FBXL7: variants seen among roughly 807,000 people sequenced by gnomAD.
FBXL7 encodes F-box and leucine rich repeat protein 7, also known as F-box/LRR-repeat protein 7.
A neutral mutation model predicts 38.3 loss-of-function variants in FBXL7; 12 were observed. The ratio of observed to expected loss-of-function variants is 0.31; its 90% CI spans 0.20 to 0.51. The LOEUF (loss-of-function observed/expected upper bound fraction) is 0.51. FBXL7 is among the 20% of genes least tolerant of loss of function. The probability of loss-of-function intolerance (pLI) is 0.98; values close to 1 mark genes in which losing one functional copy is unlikely to be tolerated. For missense variants in FBXL7, 567 were observed against 676.4 expected (o/e 0.84, Z 1.79); for synonymous variants, 297 against 300.9 (o/e 0.99, Z 0.13).
At chr5:15,924,267 G>T (rs1741822442) in intron 2 of FBXL7, among the ~76,000 whole-genome samples, 1 of 152,170 alleles carries the variant, frequency 6.6e-6, no homozygotes, top group Admixed American at 6.5e-5. Context: ...ACCTGGAACA[G>T]AAAAATACAT....
chr5:15,837,640 A>T (rs1380112355), intron 2 of FBXL7, among the ~76,000 whole-genome samples: 2 of 152,232 alleles, frequency 1.3e-5, no homozygotes, highest in Non-Finnish European at 2.9e-5. Context: ...TAGATAATTT[A>T]TTATCTAATC....
intron 1 of FBXL7, among the ~76,000 whole-genome samples, chr5:15,587,183 G>A (rs1418782926): frequency 6.6e-6 from 1 of 152,140 alleles, no homozygotes; most frequent in Non-Finnish European, 1.5e-5. Context: ...GCTCCTTTTG[G>A]GTCTTGCATG....
At chr5:15,719,455 A>G (rs1579405026) in intron 2 of FBXL7, among the ~76,000 whole-genome samples, 1 of 127,714 alleles carries the variant, frequency 7.8e-6, no homozygotes, top group Non-Finnish European at 1.8e-5. Context: ...GTCTTATTTT[A>G]CAAAGAAGGG....
At chr5:15,901,684 G>T (rs756525322) in intron 2 of FBXL7, among the ~76,000 whole-genome samples, 3 of 152,156 alleles carry the variant, frequency 2.0e-5, no homozygotes, top group Non-Finnish European at 4.4e-5. Context: ...TTGCCCTTCT[G>T]AGTAGGACGA....
chr5:15,884,814 G>T (rs1271908449), intron 2 of FBXL7, among the ~76,000 whole-genome samples: 1 of 152,164 alleles, frequency 6.6e-6, no homozygotes, highest in South Asian at 2.1e-4. Flanking sequence ...AAAGCGGTGG[G>T]ATAAGAAGTA....
intron 2 of FBXL7, among the ~76,000 whole-genome samples, chr5:15,808,287 T>A (rs2126749622): frequency 6.6e-6 from 1 of 151,742 alleles, no homozygotes; most frequent in East Asian, 1.9e-4. Flanking sequence ...GTAGGTCAAA[T>A]TTTTTTTTAC....
At chr5:15,535,902 A>G (rs1737570582) in intron 1 of FBXL7, among the ~76,000 whole-genome samples, 2 of 152,246 alleles carry the variant, frequency 1.3e-5, no homozygotes, top group Admixed American at 6.5e-5. Context: ...GGCATTTCAG[A>G]TATCTTCAAG....
intron 2 of FBXL7, among the ~76,000 whole-genome samples, chr5:15,776,515 A>G (rs1736861483): frequency 6.6e-6 from 1 of 152,122 alleles, no homozygotes; most frequent in Non-Finnish European, 1.5e-5. Flanking sequence ...AGCTTCCCCT[A>G]GCATTGGCCT....
intron 1 of FBXL7, among the ~76,000 whole-genome samples, chr5:15,544,305 T>A (rs1278430013): frequency 6.6e-6 from 1 of 152,204 alleles, no homozygotes. Flanking sequence ...ATCAGTTAGA[T>A]TGCCCTTGCT....
chr5:15,634,071 A>G (rs1401874288), intron 2 of FBXL7, among the ~76,000 whole-genome samples: 1 of 151,768 alleles, frequency 6.6e-6, no homozygotes, highest in African/African-American at 2.4e-5. Flanking sequence ...GTGAGCCACC[A>G]CACCCAGCTG....
At chr5:15,522,158 A>C (rs949601513) in intron 1 of FBXL7, among the ~76,000 whole-genome samples, 1 of 152,076 alleles carries the variant, frequency 6.6e-6, no homozygotes, top group Non-Finnish European at 1.5e-5. Context: ...TGGCTCCTTC[A>C]TTACTATTTT....
intron 2 of FBXL7, among the ~76,000 whole-genome samples, chr5:15,741,705 G>A (rs1311593862): frequency 4.6e-5 from 7 of 152,286 alleles, no homozygotes; most frequent in South Asian, 2.1e-4. Context: ...GGAAAATATC[G>A]TATAGTCCAG....
At chr5:15,501,635 C>T (rs1341095153) in intron 1 of FBXL7, 1 of 985,382 alleles carries the variant, frequency 1.0e-6, no homozygotes, top group Non-Finnish European at 1.2e-6. Context: ...CGCTTGCAGA[C>T]TGGTAGGAAT....
intron 1 of FBXL7, among the ~76,000 whole-genome samples, chr5:15,568,308 A>G (rs1315058670): frequency 6.6e-6 from 1 of 152,206 alleles, no homozygotes; most frequent in African/African-American, 2.4e-5. Context: ...GTGAGATGAT[A>G]TCTCATAGTG....
At chr5:15,758,826 T>C (rs553037865) in intron 2 of FBXL7, among the ~76,000 whole-genome samples, 5 of 152,282 alleles carry the variant, frequency 3.3e-5, no homozygotes, top group African/African-American at 1.2e-4. Flanking sequence ...TTAAGAAAAA[T>C]AATAATAAAA....
intron 2 of FBXL7, among the ~76,000 whole-genome samples, chr5:15,701,972 T>C (rs1388057537): frequency 6.6e-6 from 1 of 152,046 alleles, no homozygotes; most frequent in East Asian, 1.9e-4. Flanking sequence ...GGTGCGGTGG[T>C]TCACGCCTGT....
At position 15,936,601 on chromosome 5, in the gene FBXL7, C is replaced by A; in HGVS notation, c.891C>A (p.Cys297Ter). The change falls in exon 4 of 4, where the codon TGC (cysteine) becomes TGA (stop). Residue 297 changes from cysteine (C) to a stop codon, truncating the protein, a stop_gained. Coordinates refer to ENST00000504595, the MANE Select transcript of FBXL7 (RefSeq NM_012304.5). LOFTEE classifies it high-confidence loss of function. This position sits in a 1 kb window ranked among gnomAD's most constrained non-coding sequence, Gnocchi z 6.0. ...DEGLHTIAAH[C>*]TQLTHLYLRR... ...GCCTGCACACCATCGCGGCGCACTG[C>A]ACGCAGCTCACCCACCTCTACCTGC... The A allele has an allele frequency of 6.2e-7, 1 of 1,611,064 alleles. No individual in the cohort carries two copies.
intron 1 of FBXL7, among the ~76,000 whole-genome samples, chr5:15,513,238 T>G (rs982391224): frequency 1.3e-5 from 2 of 152,144 alleles, no homozygotes; most frequent in African/African-American, 4.8e-5. Flanking sequence ...TTCCTAGAAA[T>G]TGAGCAAACT....
intron 2 of FBXL7, among the ~76,000 whole-genome samples, chr5:15,790,566 C>T (rs985029283): frequency 6.6e-6 from 1 of 152,118 alleles, no homozygotes; most frequent in Admixed American, 6.5e-5. Context: ...CAGAGGACTG[C>T]GAACCTAGTC....
Sources: allele counts gnomAD v4.1 joint callset (sites outside exome capture counted in the v4.1 genomes callset), GRCh38; gene constraint gnomAD v4.1.1; non-coding constraint Gnocchi (gnomAD v3.1); transcripts MANE v1.5; gene names NCBI Gene and HGNC (gene_info 2026-07-23, HGNC 2026-07-21).